The following TLE2 variants were observed in gnomAD, a reference collection of about 807,000 sequenced individuals.
TLE2 encodes the protein transducin-like enhancer protein 2.
In TLE2, 74 loss-of-function variants were observed where a neutral mutation model predicts 97.2. The observed-to-expected ratio is 0.76, with a 90% confidence interval of 0.63 to 0.92. The LOEUF (loss-of-function observed/expected upper bound fraction) is 0.92, where lower values mean the gene tolerates loss of function less well. TLE2 is among the 40% of genes least tolerant of loss of function. The pLI, the probability that TLE2 is intolerant of heterozygous loss-of-function variation, is 0.00. For missense variants in TLE2, 1,038 were observed against 1,008.7 expected, an observed-to-expected ratio of 1.03 and a Z score of -0.39; for synonymous variants, 499 against 432.1, an observed-to-expected ratio of 1.15 and a Z score of -1.92.
chr19:3,001,024 C>A (rs1383188478), intron 18 of TLE2, among the ~76,000 whole-genome samples: 1 of 151,746 alleles, frequency 6.6e-6, no homozygotes, highest in Non-Finnish European at 1.5e-5. Flanking sequence ...CCCGTAATCC[C>A]CACTTTGGGA....
Position 3,005,453 on chromosome 19 carries a change from T to C in TLE2, c.1880A>G (p.His627Arg). 1 of 1,613,878 alleles carries C rather than the reference T, an allele frequency of 6.2e-7. No homozygotes were observed. Among genetic ancestry groups the C allele is most frequent in the Non-Finnish European group, 8.5e-7 (1 of 1,179,858 alleles). Residue 627 changes from histidine to arginine, a missense_variant, in exon 17 of 20, where the codon CAT (histidine) becomes CGT (arginine). By Grantham distance (29) the His-to-Arg change is conservative. Coordinates refer to ENST00000262953, the MANE Select transcript of TLE2 (RefSeq NM_003260.5). ...DLREGRQLQQ[H>R]DFSSQIFSLG... Reference sequence around the variant, plus strand: ...GAACAGCACCTGGGAGCTGAAGTCATGCTGCTGCAGCTGGCGGCCCTCCCG... The same window carrying C: ...GAACAGCACCTGGGAGCTGAAGTCACGCTGCTGCAGCTGGCGGCCCTCCCG...
At chr19:3,036,717 G>A (rs934868877) in intron 1 of TLE2, among the ~76,000 whole-genome samples, 1 of 150,444 alleles carries the variant, frequency 6.6e-6, no homozygotes, top group African/African-American at 2.4e-5. Context: ...TTACCCAGAT[G>A]CACAGTGAGA....
At chr19:3,043,349 C>T (rs750045343) in intron 1 of TLE2, among the ~76,000 whole-genome samples, 5 of 149,714 alleles carry the variant, frequency 3.3e-5, no homozygotes, top group Admixed American at 6.7e-5. Flanking sequence ...CCATGGCACC[C>T]GGCCCCTTCT....
At chr19:3,031,529 T>C (rs1240992266), upstream of TLE2, among the ~76,000 whole-genome samples, 4 of 152,168 alleles carry the variant, frequency 2.6e-5, no homozygotes, top group East Asian at 7.7e-4. Context: ...AAGGTCTCAC[T>C]GTGTTGCCCA....
chr19:3,002,609 G>A, intron 17 of TLE2, 106 bp from the exon 18 acceptor site: 1 of 1,373,166 alleles, frequency 7.3e-7, no homozygotes, highest in Non-Finnish European at 9.8e-7. Context: ...CACAATCATG[G>A]CTCACTGCAG....
intron 9 of TLE2, 122 bp from the exon 10 acceptor site, chr19:3,014,736 G>A: frequency 1.1e-6 from 1 of 922,040 alleles, no homozygotes; most frequent in Non-Finnish European, 1.5e-6. Flanking sequence ...GGGATTCTCA[G>A]ACCACTGCAC....
intron 17 of TLE2, among the ~76,000 whole-genome samples, chr19:3,004,716 G>C (rs895713291): frequency 4.0e-5 from 6 of 151,832 alleles, no homozygotes; most frequent in Non-Finnish European, 5.9e-5. Context: ...GGATGAATAG[G>C]AGTTTGCCAA....
chr19:3,035,284 G>C (rs1479222725), intron 1 of TLE2, among the ~76,000 whole-genome samples: 1 of 152,042 alleles, frequency 6.6e-6, no homozygotes, highest in South Asian at 2.1e-4. Flanking sequence ...TACCACATCC[G>C]GCCAGAGCAG....
upstream of TLE2, chr19:3,029,558 C>CGGGGGG (rs756651385): frequency 9.3e-6 from 2 of 214,852 alleles, no homozygotes; most frequent in African/African-American, 7.3e-5. Flanking sequence ...ACCGTGGGAG[C>CGGGGGG]GGGGGGGGGG....
rs1175051900 is a variant in TLE2 at position 3,019,877 on chromosome 19, C to T, written c.295-104G>A. 5 of 1,385,072 alleles carry T rather than the reference C, an allele frequency of 3.6e-6. No individual in the cohort carries two copies. The East Asian group carries it at 7.6e-5, about 21-fold the overall frequency. The allele number at this position is 1,385,072 out of a possible 1,614,324, so 85.8% of individuals were successfully genotyped here. A position where few individuals can be genotyped will look rare whatever the true frequency, so the allele number is the denominator to read the frequency against. On this transcript the variant is annotated intron_variant, in intron 5 of 19. Coordinates refer to ENST00000262953, the MANE Select transcript of TLE2 (RefSeq NM_003260.5). The surrounding 1 kb of genome is among the most constrained non-coding windows in gnomAD (Gnocchi z 5.1). ...TCCCCGCCACCCTCTCATCTTTGCC[C>T]CGGTACTTCCCATTTCTCTTTTATC...
chr19:3,017,754 G>A (rs989597215), intron 8 of TLE2, 86 bp downstream of exon 8: 2 of 1,333,792 alleles, frequency 1.5e-6, no homozygotes, highest in Admixed American at 4.1e-5. Context: ...GATCGACCTA[G>A]GTCTCATTCT....
chr19:3,015,292 A>C (rs1314294389), intron 9 of TLE2, among the ~76,000 whole-genome samples: 1 of 152,166 alleles, frequency 6.6e-6, no homozygotes, highest in Non-Finnish European at 1.5e-5. Flanking sequence ...CAATGAGAGG[A>C]GGTCCCAGCC....
intron 5 of TLE2, among the ~76,000 whole-genome samples, chr19:3,021,375 G>A (rs1348102216): frequency 2.0e-5 from 3 of 151,534 alleles, no homozygotes; most frequent in Non-Finnish European, 2.9e-5. Context: ...ATGCACTCCC[G>A]CCTGGGTGAC....
At chr19:3,035,884 A>G (rs1288323020) in intron 1 of TLE2, among the ~76,000 whole-genome samples, 1 of 151,710 alleles carries the variant, frequency 6.6e-6, no homozygotes, top group Non-Finnish European at 1.5e-5. Flanking sequence ...GGATTGGAGG[A>G]GGGGGGGCTA....
chr19:3,038,411 C>G (rs2090076702), intron 1 of TLE2, among the ~76,000 whole-genome samples: 1 of 152,294 alleles, frequency 6.6e-6, no homozygotes. Context: ...CAGGGTCTCA[C>G]TATGTTGCCC....
In TLE2 at chr19:3,005,426, C is replaced by A. The variant is rs759898141; in HGVS notation, c.1896+11G>T. On this transcript the variant is annotated intron_variant, in intron 17 of 19. Transcript: ENST00000262953. ...AGCTTCCATCCCCCTCCTGCCAGAA[C>A]CGAACAGCACCTGGGAGCTGAAGTC... is the stretch of plus-strand genomic sequence containing the variant. 8.7e-6 allele frequency: 14 copies of A among 1,612,978 alleles called. No individual in the cohort carries two copies. The highest frequency in any genetic ancestry group is 5.0e-5 in the Admixed American group (3 of 59,808).
chr19:3,008,776 A>T, intron 14 of TLE2, 93 bp downstream of exon 14: 1 of 1,033,226 alleles, frequency 9.7e-7, no homozygotes, highest in Non-Finnish European at 1.3e-6. Context: ...CTAGAAGGGA[A>T]GCAGGGAGAC....
At chr19:3,041,316 C>T (rs1457441385) in intron 1 of TLE2, among the ~76,000 whole-genome samples, 2 of 152,010 alleles carry the variant, frequency 1.3e-5, no homozygotes, top group East Asian at 1.9e-4. Context: ...AGTGAGCCCC[C>T]GCGCCCAGCC....
intron 3 of TLE2, among the ~76,000 whole-genome samples, 162 bp from the exon 4 acceptor site, chr19:3,028,035 C>G (rs751932042): frequency 6.6e-6 from 1 of 152,048 alleles, no homozygotes; most frequent in Non-Finnish European, 1.5e-5. Context: ...GAAGCGGGGG[C>G]TCTGCCTGGA....
Sources: allele counts gnomAD v4.1 joint callset (sites outside exome capture counted in the v4.1 genomes callset), GRCh38; gene constraint gnomAD v4.1.1; non-coding constraint Gnocchi (gnomAD v3.1); transcripts MANE v1.5; gene names NCBI Gene and HGNC (gene_info 2026-07-23, HGNC 2026-07-21).